PDE1C: variants seen among roughly 807,000 people sequenced by gnomAD.
PDE1C encodes phosphodiesterase 1C, also known as dual specificity calcium/calmodulin-dependent 3',5'-cyclic nucleotide phosphodiesterase 1C.
In PDE1C, 62 loss-of-function variants were observed where a neutral mutation model predicts 93.1. The ratio of observed to expected loss-of-function variants is 0.67; its 90% CI spans 0.54 to 0.82. The LOEUF (loss-of-function observed/expected upper bound fraction) is 0.82, where lower values mean the gene tolerates loss of function less well. Among genes scored for constraint, PDE1C ranks in the 40% least tolerant of loss-of-function variants. The pLI, the probability that PDE1C is intolerant of heterozygous loss-of-function variation, is 0.00. For missense variants in PDE1C, 742 were observed against 884.6 expected (o/e 0.84, Z 2.04); for synonymous variants, 325 against 310.1 (o/e 1.05, Z -0.50).
At chr7:32,103,634 A>T (rs1451988988) in intron 3 of PDE1C, among the ~76,000 whole-genome samples, 2 of 152,216 alleles carry the variant, frequency 1.3e-5, no homozygotes, top group African/African-American at 4.8e-5. Flanking sequence ...ACCCACCCAC[A>T]TAGAGAGGGC....
At chr7:32,054,963 A>T (rs1437990785) in intron 1 of PDE1C, among the ~76,000 whole-genome samples, 2 of 152,116 alleles carry the variant, frequency 1.3e-5, no homozygotes, top group East Asian at 3.9e-4. Context: ...AAGACCTTCT[A>T]GGGCCCCCCA....
rs1461316333 is a variant in PDE1C, at chr7:31,816,061, C to T, written c.1676G>A (p.Gly559Asp). Residue 559 changes from glycine (G) to aspartate (D), a missense_variant, in exon 15 of 18, where the codon GGC (glycine) becomes GAC (aspartate). Transcript: ENST00000396191. ...CTTTTTCTCAGCTTTGCCAGATGCG[C>T]CTTCTTCAGCCTGGCTTTTGGCTTC... is the stretch of plus-strand genomic sequence containing the variant. Reference protein sequence around the residue: ...EMEAKSQAEEGASGKAEKKTS... With the variant: ...EMEAKSQAEEDASGKAEKKTS... The T allele has an allele frequency of 6.2e-7, 1 of 1,613,900 alleles. No individual in the cohort carries two copies. The highest frequency in any genetic ancestry group is 1.3e-5 in the African/African-American group (1 of 74,910).
intron 1 of PDE1C, among the ~76,000 whole-genome samples, chr7:32,420,381 A>G (rs551785033): frequency 3.1e-5 from 1 of 31,980 alleles, no homozygotes; most frequent in Non-Finnish European, 7.1e-5. Context: ...ATATATGTGT[A>G]TATATATATA....
At chr7:32,134,708 T>C (rs949836498) in intron 3 of PDE1C, among the ~76,000 whole-genome samples, 1 of 151,960 alleles carries the variant, frequency 6.6e-6, no homozygotes, top group Non-Finnish European at 1.5e-5. Flanking sequence ...AGTTGAACAA[T>C]GAGAACACAT....
At chr7:31,998,233 A>G (rs530869328) in intron 2 of PDE1C, among the ~76,000 whole-genome samples, 1 of 151,950 alleles carries the variant, frequency 6.6e-6, no homozygotes, top group Non-Finnish European at 1.5e-5. Context: ...GTTAGCCAGG[A>G]TGGTCTCGAT....
At chr7:31,967,752 T>C (rs192963637) in intron 2 of PDE1C, among the ~76,000 whole-genome samples, 1,876 of 152,290 alleles carry the variant, frequency 0.012, 15 homozygotes, top group Non-Finnish European at 0.021. Context: ...TCAAAAAGCT[T>C]ATCCACCATG....
chr7:31,631,990 C>T, the PDE1C span, among the ~76,000 whole-genome samples: 1 of 152,160 alleles, frequency 6.6e-6, no homozygotes, highest in Non-Finnish European at 1.5e-5. Flanking sequence ...CCTGCAGGTC[C>T]CAGTGACCAC....
At chr7:31,791,376 A>G (rs139070505) in intron 16 of PDE1C, among the ~76,000 whole-genome samples, 87 of 152,250 alleles carry the variant, frequency 5.7e-4, no homozygotes, top group African/African-American at 2.0e-3. Flanking sequence ...TTACTCCAAT[A>G]CTAGCACTGA....
chr7:32,206,231 T>G (rs560034579), intron 2 of PDE1C, among the ~76,000 whole-genome samples: 160 of 151,972 alleles, frequency 1.1e-3, no homozygotes, highest in African/African-American at 3.5e-3. Context: ...TTGGGGATTG[T>G]GTATGCTGAT....
intron 1 of PDE1C, among the ~76,000 whole-genome samples, chr7:32,286,848 T>A (rs1812032924): frequency 6.6e-6 from 1 of 152,202 alleles, no homozygotes; most frequent in Non-Finnish European, 1.5e-5. Context: ...CTAAAATGAA[T>A]ATGGATCGTT....
At chr7:32,244,609 C>G (rs1463749176) in intron 1 of PDE1C, among the ~76,000 whole-genome samples, 1 of 152,126 alleles carries the variant, frequency 6.6e-6, no homozygotes, top group African/African-American at 2.4e-5. Flanking sequence ...ACCAGTGCCA[C>G]GAGATGGTCC....
chr7:32,119,959 C>T (rs6951261), intron 3 of PDE1C, among the ~76,000 whole-genome samples: 29,697 of 152,250 alleles, frequency 0.2, 3,480 homozygotes, highest in Middle Eastern at 0.28. Flanking sequence ...ACAGCCAGCA[C>T]TGGGACTCAT....
intron 2 of PDE1C, among the ~76,000 whole-genome samples, chr7:31,999,495 A>T (rs1474292927): frequency 7.2e-5 from 11 of 152,124 alleles, no homozygotes; most frequent in Admixed American, 7.2e-4. Flanking sequence ...AGCCTGGAAA[A>T]AGCACCAGGA....
the PDE1C span, among the ~76,000 whole-genome samples, chr7:31,700,914 C>T: frequency 6.6e-6 from 1 of 152,224 alleles, no homozygotes; most frequent in Admixed American, 6.5e-5. Flanking sequence ...AAAAAAAGAC[C>T]CTTTTCAAAT....
rs768492283 is a variant in PDE1C, at chr7:31,864,934, C to T, written c.750+8G>A. 2.5e-6 allele frequency: 4 copies of T among 1,612,422 alleles called. No homozygotes were observed. The highest frequency in any genetic ancestry group is 1.3e-5 in the African/African-American group (1 of 74,894). ...TTGGGGAACCTAAGAGTTCCTATCCCTACTTACCGCCACTCCTGTCTTATA... is the reference window on the plus strand; with the variant it reads ...TTGGGGAACCTAAGAGTTCCTATCCTTACTTACCGCCACTCCTGTCTTATA... On this transcript the variant is annotated splice_region_variant and intron_variant, in intron 7 of 17. Coordinates refer to ENST00000396191, the MANE Select transcript of PDE1C (RefSeq NM_001191057.4).
At chr7:32,224,234 G>A (rs537260530) in intron 1 of PDE1C, among the ~76,000 whole-genome samples, 74 of 152,304 alleles carry the variant, frequency 4.9e-4, no homozygotes, top group Admixed American at 1.5e-3. Context: ...TTAGCTGGGC[G>A]TGATGGCACA....
intron 17 of PDE1C, among the ~76,000 whole-genome samples, chr7:31,771,431 T>A (rs1303222616): frequency 1.3e-5 from 2 of 152,238 alleles, no homozygotes; most frequent in Non-Finnish European, 2.9e-5. Flanking sequence ...GGGTGTGAAG[T>A]GGCATCTCAC....
intron 2 of PDE1C, among the ~76,000 whole-genome samples, chr7:31,885,148 G>T (rs1797717774): frequency 6.6e-6 from 1 of 152,030 alleles, no homozygotes; most frequent in Non-Finnish European, 1.5e-5. Flanking sequence ...TTTTGGTCTG[G>T]ACACCTAAGG....
At chr7:32,307,335 T>C (rs1261792591) in intron 1 of PDE1C, among the ~76,000 whole-genome samples, 1 of 152,110 alleles carries the variant, frequency 6.6e-6, no homozygotes, top group Non-Finnish European at 1.5e-5. Flanking sequence ...CCTCTGCATC[T>C]AGCTGGCCAG....
Sources: gnomAD v4.1 joint callset for allele counts (sites outside exome capture counted in the v4.1 genomes callset) on GRCh38, gnomAD v4.1.1 for gene constraint, MANE v1.5 for transcripts, NCBI Gene and HGNC (gene_info 2026-07-23, HGNC 2026-07-21) for gene names.